The following FAT3 variants were observed in gnomAD, a reference collection of about 807,000 sequenced individuals.
FAT3 encodes the protein protocadherin Fat 3.
A neutral mutation model predicts 310.2 loss-of-function variants in FAT3; 95 were observed. The observed-to-expected ratio is 0.31, with a 90% CI of 0.26 to 0.36. FAT3 has a LOEUF of 0.36. Among genes scored for constraint, FAT3 ranks in the 10% least tolerant of loss-of-function variants. The pLI, the probability that FAT3 is intolerant of heterozygous loss-of-function variation, is 1.00. For synonymous variants in FAT3, 2,314 were observed against 2,192.9 expected, an observed-to-expected ratio of 1.06 and a Z score of -1.54; for missense variants, 5,408 against 5,715.6, an observed-to-expected ratio of 0.95 and a Z score of 1.74.
At chr11:92,262,911 C>T (rs1400382622) in intron 1 of FAT3, among the ~76,000 whole-genome samples, 2 of 152,036 alleles carry the variant, frequency 1.3e-5, no homozygotes, top group Admixed American at 6.6e-5. Context: ...GAGGCAATTA[C>T]TGTCGTCAAG....
At chr11:92,295,611 G>A (rs11019897) in intron 1 of FAT3, among the ~76,000 whole-genome samples, 1,726 of 151,930 alleles carry the variant, frequency 0.011, 43 homozygotes, top group African/African-American at 0.04. Flanking sequence ...TTTTTTCTCC[G>A]TGGCTTTTCC....
At chr11:92,777,467 G>C (rs1946627291) in intron 7 of FAT3, among the ~76,000 whole-genome samples, 1 of 152,082 alleles carries the variant, frequency 6.6e-6, no homozygotes, top group African/African-American at 2.4e-5. Context: ...AACATAAGAA[G>C]GTCCTGTGGG....
At chr11:92,423,354 T>A (rs1488209670) in intron 2 of FAT3, among the ~76,000 whole-genome samples, 1 of 152,208 alleles carries the variant, frequency 6.6e-6, no homozygotes, top group Non-Finnish European at 1.5e-5. Flanking sequence ...AAGGTCAGTT[T>A]TGTGACATAA....
At chr11:92,475,301 C>A (rs1411820534) in intron 2 of FAT3, among the ~76,000 whole-genome samples, 1 of 152,238 alleles carries the variant, frequency 6.6e-6, no homozygotes, top group African/African-American at 2.4e-5. Context: ...TATCTCCTGG[C>A]AGAGAACTTC....
At chr11:92,876,479 C>G (rs887086693) in intron 22 of FAT3, among the ~76,000 whole-genome samples, 3 of 152,242 alleles carry the variant, frequency 2.0e-5, no homozygotes, top group Non-Finnish European at 4.4e-5. Flanking sequence ...GGCTGGCCTT[C>G]TGTAGACATA....
Position 92,461,886 on chromosome 11 carries a change from T to C in FAT3, c.3293-62748T>C, listed in dbSNP as rs78178113. ...ACAGCAGCCTCTATCATGGTACTTATTGCAGTGTAGCAAATGCTTTGTTAT... is the reference window on the plus strand; with the variant it reads ...ACAGCAGCCTCTATCATGGTACTTACTGCAGTGTAGCAAATGCTTTGTTAT... On this transcript the variant is annotated intron_variant, in intron 2 of 27. Transcript: ENST00000525166. 4.7e-3 allele frequency among the ~76,000 whole-genome samples: 712 copies of C among 152,278 alleles called. 3 individuals are homozygous for C. The highest frequency in any genetic ancestry group is 0.017 in the African/African-American group (693 of 41,552).
intron 3 of FAT3, among the ~76,000 whole-genome samples, chr11:92,664,780 T>C (rs1172794999): frequency 6.6e-6 from 1 of 152,248 alleles, no homozygotes; most frequent in East Asian, 1.9e-4. Context: ...TTATGCAATA[T>C]AGTCAAATTT....
At chr11:92,715,812 G>A (rs954150232) in intron 4 of FAT3, among the ~76,000 whole-genome samples, 2 of 151,824 alleles carry the variant, frequency 1.3e-5, no homozygotes, top group Non-Finnish European at 2.9e-5. Context: ...ATAAGAAGAA[G>A]ATCAACGTAA....
chr11:92,807,020 A>G (rs1458886935), intron 12 of FAT3, among the ~76,000 whole-genome samples: 1 of 152,202 alleles, frequency 6.6e-6, no homozygotes, highest in African/African-American at 2.4e-5. Flanking sequence ...AGCTTCCCTC[A>G]GAAGAAGAGA....
intron 7 of FAT3, among the ~76,000 whole-genome samples, chr11:92,788,506 A>G (rs1946955376): frequency 6.6e-6 from 1 of 152,186 alleles, no homozygotes; most frequent in Middle Eastern, 3.2e-3. Flanking sequence ...TATTCCAGCT[A>G]ATAAATGAGG....
At chr11:92,651,371 C>T (rs1177268158) in intron 3 of FAT3, among the ~76,000 whole-genome samples, 1 of 152,122 alleles carries the variant, frequency 6.6e-6, no homozygotes, top group African/African-American at 2.4e-5. Context: ...CATGAGGGCC[C>T]GTTTGGGCTT....
chr11:92,440,072 T>C (rs569825824), intron 2 of FAT3, among the ~76,000 whole-genome samples: 1 of 152,036 alleles, frequency 6.6e-6, no homozygotes, highest in East Asian at 1.9e-4. Context: ...CACTGCAGGA[T>C]GGGTAGTTTT....
At chr11:92,376,920 A>C (rs1949364092) in intron 2 of FAT3, among the ~76,000 whole-genome samples, 1 of 152,174 alleles carries the variant, frequency 6.6e-6, no homozygotes, top group Non-Finnish European at 1.5e-5. Context: ...CACAGGTGAA[A>C]ATTTCTTTTT....
chr11:92,847,907 C>T (rs1027220522), intron 19 of FAT3, among the ~76,000 whole-genome samples: 1 of 147,924 alleles, frequency 6.8e-6, no homozygotes, highest in Admixed American at 6.6e-5. Context: ...CAATAAATGC[C>T]CCTCCCCCCA....
At chr11:92,716,622 G>C (rs1944698941) in intron 4 of FAT3, among the ~76,000 whole-genome samples, 1 of 152,164 alleles carries the variant, frequency 6.6e-6, no homozygotes, top group Admixed American at 6.5e-5. Flanking sequence ...TTCTGGCACA[G>C]GTGAGTTGGA....
At chr11:92,822,045 C>T (rs1438479671) in intron 13 of FAT3, among the ~76,000 whole-genome samples, 1 of 152,114 alleles carries the variant, frequency 6.6e-6, no homozygotes, top group Admixed American at 6.6e-5. Flanking sequence ...ATTATAATGC[C>T]TTTCCCTATT....
intron 2 of FAT3, among the ~76,000 whole-genome samples, chr11:92,428,735 G>A (rs903034380): frequency 6.6e-5 from 10 of 152,152 alleles, no homozygotes; most frequent in Admixed American, 2.0e-4. Flanking sequence ...TGATTGCACC[G>A]TGGTCTGAGA....
At chr11:92,379,237 C>T (rs866793113) in intron 2 of FAT3, among the ~76,000 whole-genome samples, 5 of 152,142 alleles carry the variant, frequency 3.3e-5, no homozygotes, top group Non-Finnish European at 5.9e-5. Context: ...TTACATATAG[C>T]ACAAAGCACA....
intron 2 of FAT3, among the ~76,000 whole-genome samples, chr11:92,441,564 G>A (rs1951063922): frequency 6.6e-6 from 1 of 152,090 alleles, no homozygotes; most frequent in African/African-American, 2.4e-5. Flanking sequence ...TTAATATCAG[G>A]CTTTAGCTGC....
Sources: allele counts gnomAD v4.1 joint callset (sites outside exome capture counted in the v4.1 genomes callset), GRCh38; gene constraint gnomAD v4.1.1; transcripts MANE v1.5; gene names NCBI Gene and HGNC (gene_info 2026-07-23, HGNC 2026-07-21).